The following MARCO variants were observed in gnomAD, a reference collection of about 807,000 sequenced individuals.
The protein encoded by MARCO is macrophage receptor with collagenous structure, also known as macrophage receptor MARCO.
A neutral mutation model predicts 70.0 loss-of-function variants in MARCO; 72 were observed. The ratio of observed to expected loss-of-function variants is 1.03; its 90% CI spans 0.85 to 1.25. The LOEUF is 1.25. MARCO is among the 50% of genes most tolerant of loss of function. The pLI is 0.00. For synonymous variants in MARCO, 273 were observed against 243.1 expected (o/e 1.12, Z -1.14); for missense variants, 696 against 659.3 (o/e 1.06, Z -0.61).
At chr2:118,991,713 C>A in intron 13 of MARCO, 64 bp from the exon 14 acceptor site, 2 of 902,066 alleles carry the variant, frequency 2.2e-6, no homozygotes, top group South Asian at 1.6e-5. Context: ...AACAGTAATG[C>A]CCTTGGGTCT....
At chr2:118,973,996 A>G (rs1680225841) in intron 4 of MARCO, among the ~76,000 whole-genome samples, 2 of 152,182 alleles carry the variant, frequency 1.3e-5, no homozygotes, top group South Asian at 4.2e-4. Context: ...CCCACGTGGT[A>G]ATCTCAGGAC....
intron 1 of MARCO, among the ~76,000 whole-genome samples, chr2:118,954,200 C>G (rs1370503040): frequency 6.6e-6 from 1 of 152,182 alleles, no homozygotes; most frequent in Non-Finnish European, 1.5e-5. Context: ...CCCCCTCCCC[C>G]TGGAAACACA....
chr2:118,948,122 G>A (rs1309747031), intron 1 of MARCO, among the ~76,000 whole-genome samples: 1 of 152,072 alleles, frequency 6.6e-6, no homozygotes, highest in Non-Finnish European at 1.5e-5. Flanking sequence ...TAGATAATTG[G>A]TGCCAGGAAG....
At chr2:118,952,949 G>T (rs1270326557) in intron 1 of MARCO, 1 of 152,212 alleles carries the variant, frequency 6.6e-6, no homozygotes, top group East Asian at 1.9e-4. Context: ...TGCAGAAAGG[G>T]TGCTCAATTG....
intron 3 of MARCO, 63 bp from the exon 4 acceptor site, chr2:118,971,436 A>C: frequency 6.5e-7 from 1 of 1,532,016 alleles, no homozygotes; most frequent in Non-Finnish European, 9.0e-7. Context: ...GGGCACTCTC[A>C]GTTGGGGCTT....
In MARCO at chr2:118,953,551, G is replaced by A. The variant is rs553404776; in HGVS notation, c.97+11154G>A. ...TCGAAAAGTTTTCTGGAGGTGGGGG[G>A]AACGATGGTGGATGAGAGGCGGGAC... On this transcript the variant is annotated intron_variant, in intron 1 of 16. Transcript: ENST00000327097. Among the ~76,000 whole-genome samples, 103 of 152,246 alleles carry A rather than the reference G, an allele frequency of 6.8e-4. 1 individual carries two copies. The South Asian group carries it at 0.021, about 31-fold the overall frequency.
chr2:118,990,394 A>G (rs1680598144), intron 12 of MARCO, among the ~76,000 whole-genome samples, 195 bp from the exon 13 acceptor site: 3 of 152,084 alleles, frequency 2.0e-5, no homozygotes, highest in African/African-American at 7.2e-5. Context: ...TTCACCCCCA[A>G]CACACCTGTT....
At chr2:118,958,167 TA>T (rs201450773) in intron 1 of MARCO, among the ~76,000 whole-genome samples, 8 of 149,974 alleles carry the variant, frequency 5.3e-5, no homozygotes, top group African/African-American at 1.2e-4. Flanking sequence ...CAGACAAGAT[TA>T]AAAAAAAAGG....
At chr2:118,975,918 T>G (rs747209443) in intron 6 of MARCO, among the ~76,000 whole-genome samples, 3 of 151,752 alleles carry the variant, frequency 2.0e-5, no homozygotes, top group Non-Finnish European at 4.4e-5. Context: ...GCACCCCCCA[T>G]GCACACACAC....
rs1293498452 is a variant in MARCO at position 118,974,449 on chromosome 2, C to A, written c.568+9C>A. On this transcript the variant is annotated intron_variant, in intron 5 of 16. Coordinates refer to ENST00000327097, the MANE Select transcript of MARCO (RefSeq NM_006770.4). ...ACGAGATGGAGCAACAGGTACGGGT[C>A]TTTTTCTTCTGACCCTTAATCATTT... 6.2e-7 allele frequency: 1 copy of A among 1,612,274 alleles called. No homozygotes were observed. Among genetic ancestry groups the A allele is most frequent in the Non-Finnish European group, 8.5e-7 (1 of 1,179,138 alleles).
At chr2:118,978,849 A>T (rs976952193) in intron 8 of MARCO, among the ~76,000 whole-genome samples, 5 of 152,188 alleles carry the variant, frequency 3.3e-5, no homozygotes, top group Non-Finnish European at 5.9e-5. Flanking sequence ...TAGTAATAGT[A>T]TTAGTAATAA....
Position 118,974,562 on chromosome 2 carries a change from GC to G in MARCO, c.611del (p.Ala204GlyfsTer60), listed in dbSNP as rs1385342380. 6.2e-7 allele frequency: 1 copy of G among 1,613,164 alleles called. No homozygotes were observed. Among genetic ancestry groups the G allele is most frequent in the South Asian group, 1.1e-5 (1 of 90,870 alleles). ...PQGPPGVKGE[A>X]GLQGPQGAPG... ...AGGCCCACCGGGAGTCAAGGGAGAG[GC>G]GGGTGAGTAGGTGCTGGGTATGTAC... On this transcript the variant is annotated frameshift_variant and splice_region_variant, in exon 6 of 17. Coordinates refer to ENST00000327097, the MANE Select transcript of MARCO (RefSeq NM_006770.4). LOFTEE classifies it high-confidence loss of function.
chr2:118,974,817 G>A (rs1012239182), intron 6 of MARCO, among the ~76,000 whole-genome samples: 4 of 152,116 alleles, frequency 2.6e-5, no homozygotes, highest in Non-Finnish European at 5.9e-5. Context: ...GGGGCTGGGG[G>A]GTGTGACTCC....
intron 2 of MARCO, 78 bp from the exon 3 acceptor site, chr2:118,970,036 T>G: frequency 8.1e-7 from 1 of 1,241,592 alleles, no homozygotes. Flanking sequence ...GTAGAAGTTA[T>G]GCACACATGA....
In MARCO at chr2:118,942,860, A is replaced by G. The variant is rs1167952933; in HGVS notation, c.97+463A>G. Among the ~76,000 whole-genome samples the G allele has an allele frequency of 2.0e-5, 3 of 152,206 alleles. No homozygotes were observed. In the East Asian group the frequency reaches 5.8e-4, roughly 29 times the overall value. On this transcript the variant is annotated intron_variant, in intron 1 of 16. Transcript: ENST00000327097. ...TTATAACTGATGTGCTGGTCAGGAA[A>G]CATATTCTGTATTTCATGTTGACTG...
chr2:118,957,558 A>G (rs897271468), intron 1 of MARCO, among the ~76,000 whole-genome samples: 4 of 152,074 alleles, frequency 2.6e-5, no homozygotes, highest in Non-Finnish European at 4.4e-5. Context: ...GATTCACAGC[A>G]GAATTCTATC....
At position 118,974,555 on chromosome 2, in the gene MARCO, G is replaced by C. The variant is rs755435063; in HGVS notation, c.603G>C (p.Lys201Asn). The C allele has an allele frequency of 3.8e-5, 62 of 1,613,192 alleles. No homozygotes were observed. Among genetic ancestry groups the C allele is most frequent in the Non-Finnish European group, 5.2e-5 (61 of 1,179,816 alleles). ...PSGPQGPPGV[K>N]GEAGLQGPQG... ...GACCCCAAGGCCCACCGGGAGTCAAGGGAGAGGCGGGTGAGTAGGTGCTGG... is the reference window on the plus strand; with the variant it reads ...GACCCCAAGGCCCACCGGGAGTCAACGGAGAGGCGGGTGAGTAGGTGCTGG... Residue 201 changes from lysine to asparagine, a missense_variant, in exon 6 of 17, where the codon AAG becomes AAC. Lys to Asn is a moderately conservative substitution (Grantham distance 94). Around this residue, in one of 3 missense-constraint regions of MARCO, gnomAD observed 605 missense variants for 537.6 expected, o/e 1.13. Coordinates refer to ENST00000327097, the MANE Select transcript of MARCO (RefSeq NM_006770.4).
At chr2:118,986,637 GAAAGAAAGAAAGAAA>G (rs1558671530) in intron 12 of MARCO, among the ~76,000 whole-genome samples, 1 of 39,762 alleles carries the variant, frequency 2.5e-5, no homozygotes, top group African/African-American at 1.8e-4. Flanking sequence ...AAGAAAGAAA[GAAAGAAAGAAAGAAA>G]GAAGGAAGGA....
intron 1 of MARCO, among the ~76,000 whole-genome samples, chr2:118,949,097 G>T (rs1039834560): frequency 6.6e-6 from 1 of 152,200 alleles, no homozygotes; most frequent in Non-Finnish European, 1.5e-5. Flanking sequence ...ATGGAGGCTG[G>T]ATGGCCCTCG....
Sources: allele counts gnomAD v4.1 joint callset (sites outside exome capture counted in the v4.1 genomes callset), GRCh38; gene constraint gnomAD v4.1.1; regional missense constraint gnomAD v4.1.1; transcripts MANE v1.5; gene names NCBI Gene and HGNC (gene_info 2026-07-23, HGNC 2026-07-21).